ZNF783: variants seen among roughly 807,000 people sequenced by gnomAD.
ZNF783 encodes the protein zinc finger protein 783, also known as protein ZNF783.
In ZNF783, 25 loss-of-function variants were observed where a neutral mutation model predicts 31.3. The observed-to-expected ratio is 0.80, with a 90% CI of 0.58 to 1.11. The LOEUF (loss-of-function observed/expected upper bound fraction) is 1.11. Among genes scored for constraint, ZNF783 ranks in the 50% most tolerant of loss-of-function variants. ZNF783 has a pLI of 0.00. For synonymous variants in ZNF783, 369 were observed against 319.1 expected (o/e 1.16, Z -1.66); for missense variants, 797 against 760.0 (o/e 1.05, Z -0.57).
In ZNF783 at chr7:149,282,045, G is replaced by A. The variant is rs1269336467; in HGVS notation, c.1343G>A (p.Arg448His). 6.3e-6 allele frequency: 10 copies of A among 1,592,090 alleles called. No homozygotes were observed. The highest frequency in any genetic ancestry group is 1.3e-5 in the African/African-American group (1 of 74,860). Residue 448 changes from arginine to histidine, a missense_variant, in exon 6 of 6, where the codon CGC becomes CAC. Coordinates refer to ENST00000434415, the MANE Select transcript of ZNF783 (RefSeq NM_001195220.2). Reference protein sequence around the residue: ...CSECLRFFQQRKSLLLHQRLH... With the variant: ...CSECLRFFQQHKSLLLHQRLH... The stretch of plus-strand genomic sequence containing the variant: ...GAGTGCCTGCGCTTCTTCCAGCAGC[G>A]CAAGAGCCTGCTGCTGCACCAGCGC...
chr7:149,266,721 G>A lies in ZNF783; in HGVS notation c.411G>A (p.Glu137=). 6.2e-7 allele frequency: 1 copy of A among 1,613,868 alleles called. No individual in the cohort carries two copies. Among genetic ancestry groups the A allele is most frequent in the Non-Finnish European group, 8.5e-7 (1 of 1,179,892 alleles). ...GGCTGCCCCCGGGCAGCAAGGGGGA[G>A]GCCCCCAAGGTAGCACCGGGACACC... The part of the protein sequence containing the change: ...ILRLPPGSKG[E]APKVPVTFDD... The change falls in exon 2 of 6, where the codon GAG becomes GAA. Residue 137 remains glutamate, a synonymous_variant. Transcript: ENST00000434415.
chr7:149,282,044 C>CGCAAGA lies in ZNF783; in HGVS notation c.1345_1350dup (p.Lys449_Ser450dup). ...CGAGTGCCTGCGCTTCTTCCAGCAG[C>CGCAAGA]GCAAGAGCCTGCTGCTGCACCAGCG... On this transcript the variant is annotated inframe_insertion, in exon 6 of 6. Transcript: ENST00000434415. 1 of 1,592,106 alleles carries CGCAAGA rather than the reference C, an allele frequency of 6.3e-7. No homozygotes were observed. Among genetic ancestry groups the CGCAAGA allele is most frequent in the Non-Finnish European group, 8.5e-7 (1 of 1,177,040 alleles).
intron 4 of ZNF783, among the ~76,000 whole-genome samples, chr7:149,270,164 A>G (rs1044829863): frequency 3.9e-5 from 6 of 152,236 alleles, no homozygotes; most frequent in African/African-American, 1.4e-4. Flanking sequence ...AGCATGATTT[A>G]TAATCCTTTG....
chr7:149,278,038 T>G (rs1030205450), intron 4 of ZNF783: 10 of 446,756 alleles, frequency 2.2e-5, no homozygotes, highest in Non-Finnish European at 3.3e-5. Flanking sequence ...AAGAGCAGCT[T>G]GGAGGAGGAG....
Position 149,282,059 on chromosome 7 carries a change from C to T in ZNF783, c.1357C>T (p.Leu453=), listed in dbSNP as rs1163825470. The change falls in exon 6 of 6, where the codon CTG becomes TTG. Residue 453 remains leucine (L), a synonymous_variant. Transcript: ENST00000434415. ...CTTCCAGCAGCGCAAGAGCCTGCTG[C>T]TGCACCAGCGCCTGCACACCGGCAA... The part of the protein sequence containing the change: ...RFFQQRKSLL[L]HQRLHTGNGQ... 2 of 1,594,910 alleles carry T rather than the reference C, an allele frequency of 1.3e-6. No homozygotes were observed. The highest frequency in any genetic ancestry group is 1.7e-6 in the Non-Finnish European group (2 of 1,178,278).
At chr7:149,264,667 G>A (rs1797021363) in intron 1 of ZNF783, among the ~76,000 whole-genome samples, 1 of 152,126 alleles carries the variant, frequency 6.6e-6, no homozygotes, top group African/African-American at 2.4e-5. Flanking sequence ...AAGGTCAGGA[G>A]TTTGAGACCA....
At chr7:149,280,250 G>A (rs972457469) in intron 5 of ZNF783, among the ~76,000 whole-genome samples, 5 of 152,110 alleles carry the variant, frequency 3.3e-5, no homozygotes, top group Admixed American at 6.5e-5. Flanking sequence ...ACCTCCCGGA[G>A]CACCAGCATT....
chr7:149,281,681 G>C lies in ZNF783; in HGVS notation c.979G>C (p.Glu327Gln), dbSNP rs1216594467. ...GGGCATGCCCAGGGTGCGGGCAGGG[G>C]AGCCACGGCCACCGGGGGCCAGTGG... ...AQGMPRVRAGEPRPPGASGET... is the reference protein window; with the variant it reads ...AQGMPRVRAGQPRPPGASGET... Residue 327 changes from glutamate (E) to glutamine (Q), a missense_variant, in exon 6 of 6, where the codon GAG (glutamate) becomes CAG (glutamine). Coordinates refer to ENST00000434415, the MANE Select transcript of ZNF783 (RefSeq NM_001195220.2). 2 of 1,502,988 alleles carry C rather than the reference G, an allele frequency of 1.3e-6. No homozygotes were observed. The highest frequency in any genetic ancestry group is 2.4e-5 in the East Asian group (1 of 42,270). 93.1% of individuals were successfully genotyped at this position (1,502,988 alleles called of 1,614,324 possible). A position where few individuals can be genotyped will look rare whatever the true frequency, so the allele number is the denominator to read the frequency against.
At chr7:149,278,341 G>A in intron 4 of ZNF783, 58 bp from the exon 5 acceptor site, 3 of 1,591,758 alleles carry the variant, frequency 1.9e-6, no homozygotes, top group Non-Finnish European at 2.6e-6. Context: ...AGGGTCCCTG[G>A]TCATCTGGGC....
At position 149,282,460 on chromosome 7, in the gene ZNF783, C is replaced by G. The variant is rs900554531; in HGVS notation, c.*117C>G. ...TGTTTTTACCCATTCAAATGGGAAG[C>G]TAGCTGCCCTTCTGGTGACATTGTG... On this transcript the variant is annotated 3_prime_UTR_variant, in exon 6 of 6. Transcript: ENST00000434415. 4 of 921,686 alleles carry G rather than the reference C, an allele frequency of 4.3e-6. No homozygotes were observed. The highest frequency in any genetic ancestry group is 3.1e-5 in the Admixed American group (1 of 32,572). 57.1% of individuals were successfully genotyped at this position (921,686 alleles called of 1,614,324 possible).
At position 149,264,809 on chromosome 7, in the gene ZNF783, G is replaced by T. The variant is rs1044462329; in HGVS notation, c.25-1526G>T. On this transcript the variant is annotated intron_variant, in intron 1 of 5. Coordinates refer to ENST00000434415, the MANE Select transcript of ZNF783 (RefSeq NM_001195220.2). ...AATCGCTTGAACTTGGGAGGTGGAG[G>T]TTGCAGTGAGCCGAGATTGCGCCAC... Among the ~76,000 whole-genome samples, 5 of 150,244 alleles carry T rather than the reference G, an allele frequency of 3.3e-5. No homozygotes were observed. The South Asian group carries it at 1.0e-3, about 31-fold the overall frequency.
chr7:149,266,357 C>T lies in ZNF783; in HGVS notation c.47C>T (p.Thr16Ile). The change falls in exon 2 of 6, where the codon ACA becomes ATA. Residue 16 changes from threonine (T) to isoleucine (I), a missense_variant. Transcript: ENST00000434415. ...CAGGACCCCGAGACAGACAAGCACA[C>T]AGAGGACCAGAGTCCTTCGACACCC... ...PARDPETDKHTEDQSPSTPLP... is the reference protein window; with the variant it reads ...PARDPETDKHIEDQSPSTPLP... The T allele has an allele frequency of 6.3e-7, 1 of 1,592,360 alleles. No individual in the cohort carries two copies. Among genetic ancestry groups the T allele is most frequent in the Admixed American group, 1.7e-5 (1 of 59,060 alleles).
Position 149,284,857 on chromosome 7 carries a change from T to A in ZNF783, c.*2514T>A, listed in dbSNP as rs561715526. 6.6e-6 allele frequency: 1 copy of A among 152,258 alleles called. No individual in the cohort carries two copies. Among genetic ancestry groups the A allele is most frequent in the East Asian group, 1.9e-4 (1 of 5,174 alleles). 9.4% of individuals were successfully genotyped at this position (152,258 alleles called of 1,614,324 possible). A position where few individuals can be genotyped will look rare whatever the true frequency, so the allele number is the denominator to read the frequency against. The stretch of plus-strand genomic sequence containing the variant: ...TGGGAGCCCTGGTTGGGCCCCAAAC[T>A]CTCCCAGCAGGGTCCTCGGTTTCCT... On this transcript the variant is annotated 3_prime_UTR_variant, in exon 6 of 6. Transcript: ENST00000434415.
chr7:149,272,360 A>G (rs1221692604), intron 4 of ZNF783, among the ~76,000 whole-genome samples: 2 of 152,206 alleles, frequency 1.3e-5, no homozygotes, highest in Non-Finnish European at 2.9e-5. Context: ...TTCTGGGTCA[A>G]AAGGTAAATG....
Position 149,262,372 on chromosome 7 carries a change from C to T in ZNF783, c.24+15C>T, listed in dbSNP as rs1395289897. 2 of 1,277,570 alleles carry T rather than the reference C, an allele frequency of 1.6e-6. No homozygotes were observed. The highest frequency in any genetic ancestry group is 3.1e-5 in the African/African-American group (2 of 63,850). 79.1% of individuals were successfully genotyped at this position (1,277,570 alleles called of 1,614,324 possible). On this transcript the variant is annotated intron_variant, in intron 1 of 5. Transcript: ENST00000434415. ...CGCCTGCCCGGGTAAGCGCCCTCGGCCCCGCGGACGCCCGGAAGGCCCAGG... is the reference window on the plus strand; with the variant it reads ...CGCCTGCCCGGGTAAGCGCCCTCGGTCCCGCGGACGCCCGGAAGGCCCAGG...
In ZNF783 at chr7:149,282,997, T is replaced by C. The variant is rs969115036; in HGVS notation, c.*654T>C. 2.1e-5 allele frequency: 3 copies of C among 142,770 alleles called. No individual in the cohort carries two copies. The highest frequency in any genetic ancestry group is 4.5e-5 in the Non-Finnish European group (3 of 66,438). The allele number at this position is 142,770 out of a possible 1,614,324, so 8.8% of individuals were successfully genotyped here. Reference sequence around the variant, plus strand: ...TTGTTGTTGTTTTTTTAAGATGGAGTTTCACTCTTGTTGCCCAGGCTGGAG... The same window carrying C: ...TTGTTGTTGTTTTTTTAAGATGGAGCTTCACTCTTGTTGCCCAGGCTGGAG... On this transcript the variant is annotated 3_prime_UTR_variant, in exon 6 of 6. Coordinates refer to ENST00000434415, the MANE Select transcript of ZNF783 (RefSeq NM_001195220.2).
intron 4 of ZNF783, chr7:149,277,152 T>G (rs993082483): frequency 1.3e-5 from 2 of 152,078 alleles, no homozygotes; most frequent in East Asian, 3.9e-4. Context: ...CCGGTCTGGT[T>G]GTTCTTTTAT....
Position 149,282,034 on chromosome 7 carries a change from C to T in ZNF783, c.1332C>T (p.Phe444=). 1 of 1,590,378 alleles carries T rather than the reference C, an allele frequency of 6.3e-7. No individual in the cohort carries two copies. Among genetic ancestry groups the T allele is most frequent in the Non-Finnish European group, 8.5e-7 (1 of 1,176,260 alleles). ...ACCACTGCAGCGAGTGCCTGCGCTT[C>T]TTCCAGCAGCGCAAGAGCCTGCTGC... ...KMYHCSECLR[F]FQQRKSLLLH... The change falls in exon 6 of 6, where the codon TTC becomes TTT. Residue 444 remains phenylalanine, a synonymous_variant. Coordinates refer to ENST00000434415, the MANE Select transcript of ZNF783 (RefSeq NM_001195220.2).
At position 149,278,308 on chromosome 7, in the gene ZNF783, G is replaced by A. The variant is rs1038344063; in HGVS notation, c.674-91G>A. On this transcript the variant is annotated intron_variant, in intron 4 of 5. Coordinates refer to ENST00000434415, the MANE Select transcript of ZNF783 (RefSeq NM_001195220.2). Reference sequence around the variant, plus strand: ...GTGCTGGAGCTGAGGCCCCAGGATCGCAGTGACTCTGCCTTTCCCCAGAGG... The same window carrying A: ...GTGCTGGAGCTGAGGCCCCAGGATCACAGTGACTCTGCCTTTCCCCAGAGG... 9.2e-5 allele frequency: 144 copies of A among 1,557,210 alleles called. 1 individual carries two copies. Among genetic ancestry groups the A allele is most frequent in the Middle Eastern group, 8.4e-4 (5 of 5,974 alleles).
Sources: allele counts gnomAD v4.1 joint callset (sites outside exome capture counted in the v4.1 genomes callset), GRCh38; gene constraint gnomAD v4.1.1; transcripts MANE v1.5; gene names NCBI Gene and HGNC (gene_info 2026-07-23, HGNC 2026-07-21).